POTEJ: variants seen among roughly 807,000 people sequenced by gnomAD.
The protein encoded by POTEJ is POTE ankyrin domain family, member J.
Under a neutral mutation model 69.0 loss-of-function variants are expected in POTEJ, and 11 were observed. The ratio of observed to expected loss-of-function variants is 0.16; its 90% CI spans 0.10 to 0.26. The LOEUF (loss-of-function observed/expected upper bound fraction) is 0.26. Ranked by LOEUF, POTEJ falls within the 10% of genes least tolerant of loss-of-function variation. The probability of loss-of-function intolerance (pLI) is 1.00; values close to 1 mark genes in which losing one functional copy is unlikely to be tolerated. For missense variants in POTEJ, 327 were observed against 1,045.5 expected, an observed-to-expected ratio of 0.31 and a Z score of 9.48; for synonymous variants, 117 against 381.1, an observed-to-expected ratio of 0.31 and a Z score of 8.07.
rs1231113930 is a variant in POTEJ, at chr2:130,646,420, G to A, written c.1667+110G>A. 70 of 496,564 alleles carry A rather than the reference G, an allele frequency of 1.4e-4. No homozygotes were observed. The East Asian group carries it at 2.2e-3, about 15-fold the overall frequency. The allele number at this position is 496,564 out of a possible 1,614,324, so 30.8% of individuals were successfully genotyped here. On this transcript the variant is annotated intron_variant, in intron 13 of 14. Transcript: ENST00000409602. Reference sequence around the variant, plus strand: ...TTTTATACTTTTATTAGGATATTGAGCCTTGCCTGTTAATCAGAAAAATGA... The same window carrying A: ...TTTTATACTTTTATTAGGATATTGAACCTTGCCTGTTAATCAGAAAAATGA...
Position 130,627,435 on chromosome 2 carries a change from C to G in POTEJ, c.1016-2514C>G, listed in dbSNP as rs1414179256. Among the ~76,000 whole-genome samples, 22 of 140,930 alleles carry G rather than the reference C, an allele frequency of 1.6e-4. 1 individual carries two copies. The highest frequency in any genetic ancestry group is 5.0e-4 in the African/African-American group (17 of 34,266). The allele number at this position is 140,930 out of a possible 152,430, so 92.5% of individuals were successfully genotyped here. A position where few individuals can be genotyped will look rare whatever the true frequency, so the allele number is the denominator to read the frequency against. ...GAGTTGTTCCTTTTAGGGAATGATA[C>G]TCTCCATGACCTGTGTGAGTCACAG... On this transcript the variant is annotated intron_variant, in intron 6 of 14. Transcript: ENST00000409602.
intron 6 of POTEJ, among the ~76,000 whole-genome samples, chr2:130,626,247 G>C (rs1361018265): frequency 3.3e-5 from 5 of 150,482 alleles, no homozygotes; most frequent in African/African-American, 1.2e-4. Context: ...CTGAGGCTGA[G>C]GAGGGGGATT....
intron 9 of POTEJ, among the ~76,000 whole-genome samples, chr2:130,636,686 C>T (rs1686105712): frequency 6.7e-6 from 1 of 148,554 alleles, no homozygotes; most frequent in African/African-American, 2.5e-5. Context: ...ACCATATCTT[C>T]ACTGCTTAGA....
In POTEJ at chr2:130,657,402, A is replaced by G. The variant is rs4850168; in HGVS notation, c.2642A>G (p.Tyr881Cys). ...IVRDIKEKLCYVALDFEQEMA... is the reference protein window; with the variant it reads ...IVRDIKEKLCCVALDFEQEMA... ...CGTGACATCAAAGAGAAGCTGTGCT[A>G]TGTTGCCCTGGACTTCGAGCAGGAG... Residue 881 changes from tyrosine to cysteine, a missense_variant, in exon 15 of 15, where the codon TAT becomes TGT. Tyr to Cys is a radical substitution (Grantham distance 194). Transcript: ENST00000409602. 1.2e-6 allele frequency: 1 copy of G among 833,140 alleles called. No individual in the cohort carries two copies. Among genetic ancestry groups the G allele is most frequent in the Admixed American group, 3.6e-5 (1 of 27,476 alleles). The allele number at this position is 833,140 out of a possible 1,614,324, so 51.6% of individuals were successfully genotyped here.
intron 13 of POTEJ, among the ~76,000 whole-genome samples, chr2:130,649,179 A>G (rs1381425559): frequency 4.0e-5 from 6 of 149,128 alleles, no homozygotes; most frequent in East Asian, 3.9e-4. Context: ...CCAGATCTCT[A>G]TATCATCCCA....
chr2:130,643,111 C>G (rs1463952181), intron 10 of POTEJ, among the ~76,000 whole-genome samples: 1 of 147,252 alleles, frequency 6.8e-6, no homozygotes, highest in Non-Finnish European at 1.5e-5. Context: ...GAATAATGTA[C>G]AGTTTAGGTG....
rs562955325 is a variant in POTEJ, at chr2:130,637,933, A to G, written c.1299-686A>G. ...CAACTCCGTAATAGTGGACAATCAC[A>G]TTATCTACTTTAATGAGATATTTAT... is the stretch of plus-strand genomic sequence containing the variant. On this transcript the variant is annotated intron_variant, in intron 9 of 14. Transcript: ENST00000409602. Among the ~76,000 whole-genome samples the G allele has an allele frequency of 4.6e-3, 672 of 147,088 alleles. 7 individuals are homozygous for G. Among genetic ancestry groups the G allele is most frequent in the Non-Finnish European group, 7.4e-3 (490 of 66,216 alleles).
intron 9 of POTEJ, 89 bp downstream of exon 9, chr2:130,632,745 A>G (rs1685951969): frequency 2.5e-6 from 3 of 1,222,660 alleles, no homozygotes; most frequent in South Asian, 2.7e-5. Flanking sequence ...AACAAATTTT[A>G]TAGTTTTACT....
intron 6 of POTEJ, among the ~76,000 whole-genome samples, chr2:130,625,325 C>T (rs1300494889): frequency 6.6e-6 from 1 of 152,032 alleles, no homozygotes; most frequent in South Asian, 2.1e-4. Flanking sequence ...TAGATAGTAA[C>T]CATTTTTCTA....
At chr2:130,650,218 T>G (rs1686759556) in intron 13 of POTEJ, among the ~76,000 whole-genome samples, 1 of 152,282 alleles carries the variant, frequency 6.6e-6, no homozygotes, top group African/African-American at 2.4e-5. Context: ...TTTTTTAGAG[T>G]CTTTGATGTA....
chr2:130,637,298 A>T (rs1450826006), intron 9 of POTEJ, among the ~76,000 whole-genome samples: 1 of 149,400 alleles, frequency 6.7e-6, no homozygotes, highest in South Asian at 2.1e-4. Context: ...AGGAATTGCA[A>T]ACTTTACTAT....
At chr2:130,626,570 T>G (rs1453754748) in intron 6 of POTEJ, among the ~76,000 whole-genome samples, 2,049 of 151,426 alleles carry the variant, frequency 0.014, 2 homozygotes, top group African/African-American at 0.047. Context: ...CAGGCATGAC[T>G]GAGCTCCTAT....
At chr2:130,613,218 A>G (rs1233905370) in intron 1 of POTEJ, among the ~76,000 whole-genome samples, 1 of 147,166 alleles carries the variant, frequency 6.8e-6, no homozygotes, top group South Asian at 2.1e-4. Flanking sequence ...GCCTATTTAT[A>G]TACGCAGATA....
At chr2:130,633,998 A>G (rs1685999916) in intron 9 of POTEJ, among the ~76,000 whole-genome samples, 1 of 151,052 alleles carries the variant, frequency 6.6e-6, no homozygotes, top group Non-Finnish European at 1.5e-5. Context: ...TGCAGTCTTG[A>G]CTTTCTGAGC....
At chr2:130,624,924 A>T (rs1318438847) in intron 6 of POTEJ, among the ~76,000 whole-genome samples, 1 of 152,116 alleles carries the variant, frequency 6.6e-6, no homozygotes, top group Non-Finnish European at 1.5e-5. Flanking sequence ...TTAGAACAAG[A>T]TGCTCTGCTA....
In POTEJ at chr2:130,644,023, G is replaced by C; in HGVS notation, c.1410G>C (p.Arg470Ser). 1 of 231,434 alleles carries C rather than the reference G, an allele frequency of 4.3e-6. No homozygotes were observed. Among genetic ancestry groups the C allele is most frequent in the Non-Finnish European group, 7.7e-6 (1 of 129,814 alleles). 14.3% of individuals were successfully genotyped at this position (231,434 alleles called of 1,614,324 possible). Residue 470 changes from arginine (R) to serine (S), a missense_variant, in exon 11 of 15, where the codon AGG becomes AGC. By Grantham distance (110) the Arg-to-Ser change is moderately radical (BLOSUM62 -1). Transcript: ENST00000409602. ...TGACATCAGAGGAAGAGTCACAAAG[G>C]CTTAAAGGCAGTGAAAATGGCCAGC... ...LKLTSEEESQ[R>S]LKGSENGQPE...
intron 10 of POTEJ, among the ~76,000 whole-genome samples, chr2:130,641,979 T>C (rs1686397267): frequency 1.3e-5 from 2 of 152,148 alleles, no homozygotes; most frequent in Admixed American, 1.3e-4. Flanking sequence ...AATGATACTC[T>C]CCATGACCTG....
At chr2:130,636,186 C>T in intron 9 of POTEJ, among the ~76,000 whole-genome samples, 1 of 151,574 alleles carries the variant, frequency 6.6e-6, no homozygotes. Flanking sequence ...TCCATTCCTT[C>T]AGTTCTTTAT....
At chr2:130,625,706 T>C (rs1685681325) in intron 6 of POTEJ, among the ~76,000 whole-genome samples, 1 of 143,700 alleles carries the variant, frequency 7.0e-6, no homozygotes, top group African/African-American at 2.8e-5. Flanking sequence ...TGAGTGAACA[T>C]GGCAGGGTTT....
Sources: gnomAD v4.1 joint callset for allele counts (sites outside exome capture counted in the v4.1 genomes callset) on GRCh38, gnomAD v4.1.1 for gene constraint, MANE v1.5 for transcripts, NCBI Gene and HGNC (gene_info 2026-07-23, HGNC 2026-07-21) for gene names.